NBAS: variants seen among roughly 807,000 people sequenced by gnomAD.
NBAS encodes NBAS subunit of NRZ tethering complex.
Under a neutral mutation model 302.5 loss-of-function variants are expected in NBAS, and 219 were observed. That is an observed-to-expected ratio of 0.72 (90% CI 0.65 to 0.81). The LOEUF (loss-of-function observed/expected upper bound fraction) is 0.81. NBAS is among the 30% of genes least tolerant of loss of function. NBAS has a pLI of 0.00. For synonymous variants in NBAS, 1,118 were observed against 1,021.6 expected (o/e 1.09, Z -1.80); for missense variants, 2,932 against 2,841.6 (o/e 1.03, Z -0.72).
At chr2:15,438,924 G>T (rs1678178859) in intron 21 of NBAS, among the ~76,000 whole-genome samples, 1 of 152,184 alleles carries the variant, frequency 6.6e-6, no homozygotes, top group Admixed American at 6.5e-5. Flanking sequence ...AATAGTTCAA[G>T]TTCCAGTCAG....
chr2:14,949,982 T>C, the NBAS span, among the ~76,000 whole-genome samples: 3 of 152,160 alleles, frequency 2.0e-5, no homozygotes, highest in Non-Finnish European at 4.4e-5. Context: ...GTTTGATAGA[T>C]CAATGGAGTA....
the NBAS span, among the ~76,000 whole-genome samples, chr2:14,922,725 G>T: frequency 1.3e-5 from 2 of 152,190 alleles, no homozygotes; most frequent in African/African-American, 4.8e-5. Context: ...ATACAATTTA[G>T]TCCATAACAG....
At chr2:15,254,900 T>TGG (rs948647316) in intron 44 of NBAS, among the ~76,000 whole-genome samples, 38 of 151,354 alleles carry the variant, frequency 2.5e-4, no homozygotes, top group African/African-American at 8.8e-4. Context: ...TAGTGTTCCA[T>TGG]GGGGTGTGTG....
the NBAS span, among the ~76,000 whole-genome samples, chr2:14,954,791 C>A: frequency 1.3e-5 from 2 of 152,134 alleles, no homozygotes; most frequent in African/African-American, 4.8e-5. Flanking sequence ...GGAAAACTGC[C>A]CCCATGATTC....
At chr2:14,969,110 G>C in the NBAS span, among the ~76,000 whole-genome samples, 1 of 152,138 alleles carries the variant, frequency 6.6e-6, no homozygotes, top group East Asian at 1.9e-4. Context: ...AGGCCACAAA[G>C]TATATGATTC....
At chr2:15,084,783 G>C in the NBAS span, among the ~76,000 whole-genome samples, 1 of 152,056 alleles carries the variant, frequency 6.6e-6, no homozygotes, top group Non-Finnish European at 1.5e-5. Flanking sequence ...GTTCACTCAG[G>C]GTGTAGACCA....
At chr2:14,851,503 A>C in the NBAS span, among the ~76,000 whole-genome samples, 1 of 143,842 alleles carries the variant, frequency 7.0e-6, no homozygotes. Context: ...CCAGAGGTAC[A>C]AGGAGGAACT....
chr2:15,257,797 T>G (rs1668670423), intron 44 of NBAS, among the ~76,000 whole-genome samples: 1 of 152,216 alleles, frequency 6.6e-6, no homozygotes, highest in South Asian at 2.1e-4. Flanking sequence ...TATAAGAAAT[T>G]CAAAGAATTA....
chr2:15,387,617 T>A (rs1675366921), intron 28 of NBAS, among the ~76,000 whole-genome samples: 1 of 148,288 alleles, frequency 6.7e-6, no homozygotes, highest in South Asian at 2.1e-4. Flanking sequence ...AAAAAATGAA[T>A]AAGTCATTCA....
At chr2:15,425,460 A>G (rs1677421501) in intron 22 of NBAS, among the ~76,000 whole-genome samples, 1 of 152,226 alleles carries the variant, frequency 6.6e-6, no homozygotes. Context: ...AAAATTCAAA[A>G]TAACAGAGCA....
At chr2:15,552,422 T>C (rs1664425300) in intron 5 of NBAS, among the ~76,000 whole-genome samples, 2 of 151,916 alleles carry the variant, frequency 1.3e-5, no homozygotes, top group Admixed American at 6.6e-5. Context: ...CCACCTTCTC[T>C]TCCTCCTCCT....
At position 15,308,164 on chromosome 2, in the gene NBAS, T is replaced by C. The variant is rs1331164529; in HGVS notation, c.4797+52A>G. 5 of 1,612,224 alleles carry C rather than the reference T, an allele frequency of 3.1e-6. No homozygotes were observed. In the African/African-American group the frequency reaches 5.3e-5, roughly 17 times the overall value. ...AATTAAACACGTGTTTTGAGTATTT[T>C]AGAAAAGGCTTAACTCTGCTCAATA... On this transcript the variant is annotated intron_variant, in intron 40 of 51. Coordinates refer to ENST00000281513, the MANE Select transcript of NBAS (RefSeq NM_015909.4).
In NBAS at chr2:15,403,631, C is replaced by A. The variant is rs140296975; in HGVS notation, c.2938-1330G>T. ...CATTGTGTATCAGGGACTTGAGCAT[C>A]CATGGATTTTGGTAGCCTGGCGGCA... On this transcript the variant is annotated intron_variant, in intron 25 of 51. Transcript: ENST00000281513. Among the ~76,000 whole-genome samples, 1,024 of 152,114 alleles carry A rather than the reference C, an allele frequency of 6.7e-3. 12 individuals carry two copies. Among genetic ancestry groups the A allele is most frequent in the African/African-American group, 0.022 (924 of 41,504 alleles).
chr2:15,329,117 A>G (rs1269669748), intron 36 of NBAS, among the ~76,000 whole-genome samples: 3 of 152,196 alleles, frequency 2.0e-5, no homozygotes, highest in Admixed American at 2.0e-4. Context: ...CTCTCTCCAA[A>G]TAGATTGTAA....
the NBAS span, among the ~76,000 whole-genome samples, chr2:15,014,602 C>T: frequency 2.6e-5 from 4 of 151,894 alleles, no homozygotes; most frequent in East Asian, 1.9e-4. Flanking sequence ...ACACATCATA[C>T]GAAAACCTAT....
the NBAS span, among the ~76,000 whole-genome samples, chr2:15,144,039 A>G: frequency 8.6e-6 from 1 of 115,708 alleles, no homozygotes; most frequent in African/African-American, 3.8e-5. Flanking sequence ...ATATTATCCT[A>G]TATATAAAAA....
At chr2:14,831,935 C>T in the NBAS span, among the ~76,000 whole-genome samples, 2 of 152,132 alleles carry the variant, frequency 1.3e-5, no homozygotes, top group Non-Finnish European at 2.9e-5. Flanking sequence ...GAATCAAAAG[C>T]CTGTAAACTT....
intron 23 of NBAS, among the ~76,000 whole-genome samples, chr2:15,418,197 C>T (rs1677041236): frequency 6.6e-6 from 1 of 152,122 alleles, no homozygotes; most frequent in South Asian, 2.1e-4. Flanking sequence ...AAAAGTCATT[C>T]AATAAATATT....
the NBAS span, among the ~76,000 whole-genome samples, chr2:15,127,021 C>G: frequency 8.0e-3 from 1,215 of 152,262 alleles, 13 homozygotes; most frequent in African/African-American, 0.028. Flanking sequence ...ATCTTGGTCC[C>G]TCTAAAGCCT....
Sources: gnomAD v4.1 joint callset for allele counts (sites outside exome capture counted in the v4.1 genomes callset) on GRCh38, gnomAD v4.1.1 for gene constraint, MANE v1.5 for transcripts, NCBI Gene and HGNC (gene_info 2026-07-23, HGNC 2026-07-21) for gene names.